AEBP1: variants seen among roughly 807,000 people sequenced by gnomAD.
AEBP1 encodes the protein adipocyte enhancer-binding protein 1.
Under a neutral mutation model 116.5 loss-of-function variants are expected in AEBP1, and 69 were observed. The observed-to-expected ratio is 0.59, with a 90% CI of 0.49 to 0.72. AEBP1 has a LOEUF of 0.72. Among genes scored for constraint, AEBP1 ranks in the 30% least tolerant of loss-of-function variants. The probability of loss-of-function intolerance (pLI) is 0.00; values close to 1 mark genes in which losing one functional copy is unlikely to be tolerated. For missense variants in AEBP1, 1,444 were observed against 1,557.5 expected (o/e 0.93, Z 1.23); for synonymous variants, 627 against 627.3 (o/e 1.00, Z 0.01).
In AEBP1 at chr7:44,113,802, C is replaced by T. The variant is rs1331344129; in HGVS notation, c.3018C>T (p.Asp1006=). The change falls in exon 21 of 21, where the codon GAC becomes GAT. Residue 1006 remains aspartate, a synonymous_variant. Transcript: ENST00000223357. This position sits in a 1 kb window ranked among gnomAD's most constrained non-coding sequence, Gnocchi z 5.3. ...MNGNRPIPHI[D]PSRPMTPQQR... The stretch of plus-strand genomic sequence containing the variant: ...GGAACCGGCCTATCCCACACATAGA[C>T]CCATCGCGCCCTATGACCCCCCAAC... The T allele has an allele frequency of 6.2e-7, 1 of 1,614,062 alleles. No homozygotes were observed. Among genetic ancestry groups the T allele is most frequent in the South Asian group, 1.1e-5 (1 of 91,088 alleles).
Position 44,111,546 on chromosome 7 carries a change from C to G in AEBP1, c.1756C>G (p.Arg586Gly). 6.2e-7 allele frequency: 1 copy of G among 1,609,444 alleles called. No homozygotes were observed. The highest frequency in any genetic ancestry group is 8.5e-7 in the Non-Finnish European group (1 of 1,178,244). Residue 586 changes from arginine (R) to glycine (G), a missense_variant, in exon 15 of 21, where the codon CGC (arginine) becomes GGC (glycine). Physicochemically the swap from Arg to Gly is moderately radical, Grantham distance 125 (BLOSUM62 -2). Coordinates refer to ENST00000223357, the MANE Select transcript of AEBP1 (RefSeq NM_001129.5). This position sits in a 1 kb window ranked among gnomAD's most constrained non-coding sequence, Gnocchi z 4.7. The stretch of plus-strand genomic sequence containing the variant: ...GAACGAGGAGTGCCCCACCATCACC[C>G]GCACTTACAGCCTGGGCAAGAGCTC... The part of the protein sequence containing the change: ...VVNEECPTIT[R>G]TYSLGKSSRG...
chr7:44,111,645 G>A lies in AEBP1; in HGVS notation c.1840+15G>A, dbSNP rs1249418094. On this transcript the variant is annotated intron_variant, in intron 15 of 20. Coordinates refer to ENST00000223357, the MANE Select transcript of AEBP1 (RefSeq NM_001129.5). This position sits in a 1 kb window ranked among gnomAD's most constrained non-coding sequence, Gnocchi z 4.7. The stretch of plus-strand genomic sequence containing the variant: ...GCATGAACTGGGTGAGGGTCTGTGG[G>A]GGCCAGCAGCTGGCCTCTGCTGCTG... 1.2e-6 allele frequency: 2 copies of A among 1,609,922 alleles called. No individual in the cohort carries two copies. The highest frequency in any genetic ancestry group is 1.3e-5 in the African/African-American group (1 of 74,624).
chr7:44,111,804 G>A lies in AEBP1; in HGVS notation c.1841-50G>A, dbSNP rs1421970281. On this transcript the variant is annotated intron_variant, in intron 15 of 20. Transcript: ENST00000223357. This position sits in a 1 kb window ranked among gnomAD's most constrained non-coding sequence, Gnocchi z 4.7. ...GGTGGGTCTGGGTCCTTCCTCAGCT[G>A]CCCTGGGCCTCGGGAGACTGAGTGC... is the stretch of plus-strand genomic sequence containing the variant. The A allele has an allele frequency of 1.3e-6, 2 of 1,580,038 alleles. No homozygotes were observed. The highest frequency in any genetic ancestry group is 2.3e-5 in the East Asian group (1 of 43,448).
Position 44,108,112 on chromosome 7 carries a change from G to C in AEBP1, c.940+28G>C. The C allele has an allele frequency of 6.3e-7, 1 of 1,579,230 alleles. No homozygotes were observed. The highest frequency in any genetic ancestry group is 8.6e-7 in the Non-Finnish European group (1 of 1,163,730). The stretch of plus-strand genomic sequence containing the variant: ...GAGTACCCAGCACCCCAGAGTCTGA[G>C]GGACATAGGCAGGTGGGGGTCGGGG... On this transcript the variant is annotated intron_variant, in intron 6 of 20. Coordinates refer to ENST00000223357, the MANE Select transcript of AEBP1 (RefSeq NM_001129.5). The surrounding 1 kb of genome is among the most constrained non-coding windows in gnomAD (Gnocchi z 5.0).
Position 44,107,176 on chromosome 7 carries a change from C to T in AEBP1, c.596-263C>T, listed in dbSNP as rs2096223813. Among the ~76,000 whole-genome samples the T allele has an allele frequency of 6.6e-6, 1 of 152,226 alleles. No individual in the cohort carries two copies. The highest frequency in any genetic ancestry group is 1.5e-5 in the Non-Finnish European group (1 of 68,030). ...CTGAGCCCATGGAGTTCCCTCCTGC[C>T]TTCTCCCGCTGGGGACAGCTTTGTG... On this transcript the variant is annotated intron_variant, in intron 2 of 20. Coordinates refer to ENST00000223357, the MANE Select transcript of AEBP1 (RefSeq NM_001129.5). This position sits in a 1 kb window ranked among gnomAD's most constrained non-coding sequence, Gnocchi z 4.3.
rs751083329 is a variant in AEBP1, at chr7:44,107,436, C to T, written c.596-3C>T. On this transcript the variant is annotated splice_region_variant and splice_polypyrimidine_tract_variant and intron_variant, in intron 2 of 20. Coordinates refer to ENST00000223357, the MANE Select transcript of AEBP1 (RefSeq NM_001129.5). This position sits in a 1 kb window ranked among gnomAD's most constrained non-coding sequence, Gnocchi z 4.3. ...ACCTGCTTCTGGAACTCCTGTGTTG[C>T]AGGGGCGCCCCTCTCAAATAACTGG... 4.3e-6 allele frequency: 7 copies of T among 1,613,090 alleles called. No individual in the cohort carries two copies. In the South Asian group the frequency reaches 7.7e-5, roughly 18 times the overall value.
rs762423489 is a variant in AEBP1, at chr7:44,111,619, A to C, written c.1829A>C (p.Glu610Ala). 3 of 1,612,560 alleles carry C rather than the reference A, an allele frequency of 1.9e-6. No individual in the cohort carries two copies. The highest frequency in any genetic ancestry group is 1.7e-6 in the Non-Finnish European group (2 of 1,179,588). ...ATGGAGATCTCAGACAACCCTGGGG[A>C]GCATGAACTGGGTGAGGGTCTGTGG... The part of the protein sequence containing the change: ...YAMEISDNPG[E>A]HELGEPEFRY... Residue 610 changes from glutamate to alanine, a missense_variant, in exon 15 of 21, where the codon GAG becomes GCG. Transcript: ENST00000223357. This position sits in a 1 kb window ranked among gnomAD's most constrained non-coding sequence, Gnocchi z 4.7.
chr7:44,107,320 G>A lies in AEBP1; in HGVS notation c.596-119G>A. On this transcript the variant is annotated intron_variant, in intron 2 of 20. Transcript: ENST00000223357. This position sits in a 1 kb window ranked among gnomAD's most constrained non-coding sequence, Gnocchi z 4.3. ...CTCAGGCCTCCTTGGAGTGAGCTCG[G>A]CCTCAGGAGGGTGTCCACAGGCTCT... The A allele has an allele frequency of 1.0e-6, 1 of 986,116 alleles. No homozygotes were observed. The highest frequency in any genetic ancestry group is 1.6e-6 in the Non-Finnish European group (1 of 639,854). 61.1% of individuals were successfully genotyped at this position (986,116 alleles called of 1,614,324 possible).
In AEBP1 at chr7:44,107,025, A is replaced by G. The variant is rs567110257; in HGVS notation, c.595+138A>G. On this transcript the variant is annotated intron_variant, in intron 2 of 20. Coordinates refer to ENST00000223357, the MANE Select transcript of AEBP1 (RefSeq NM_001129.5). The surrounding 1 kb of genome is among the most constrained non-coding windows in gnomAD (Gnocchi z 4.3). ...ACTGGATGGGAACCTCACTTTTGCTATAAATTTCACAATTTGATTGGTGGG... is the reference window on the plus strand; with the variant it reads ...ACTGGATGGGAACCTCACTTTTGCTGTAAATTTCACAATTTGATTGGTGGG... 4 of 713,464 alleles carry G rather than the reference A, an allele frequency of 5.6e-6. No homozygotes were observed. The highest frequency in any genetic ancestry group is 3.6e-5 in the African/African-American group (2 of 56,030). The allele number at this position is 713,464 out of a possible 1,614,324, so 44.2% of individuals were successfully genotyped here. A position where few individuals can be genotyped will look rare whatever the true frequency, so the allele number is the denominator to read the frequency against.
chr7:44,112,336 TG>T lies in AEBP1; in HGVS notation c.2217+17del, dbSNP rs763748131. ...CAGATGCCACGGTGAGGCTACAGCC[TG>T]GCTGAAAGGGCAGGAGGGAGCAGCT... On this transcript the variant is annotated intron_variant, in intron 17 of 20. Transcript: ENST00000223357. This position sits in a 1 kb window ranked among gnomAD's most constrained non-coding sequence, Gnocchi z 6.6. The T allele has an allele frequency of 6.5e-7, 1 of 1,531,486 alleles. No homozygotes were observed. The highest frequency in any genetic ancestry group is 1.4e-5 in the African/African-American group (1 of 72,310). The allele number at this position is 1,531,486 out of a possible 1,614,324, so 94.9% of individuals were successfully genotyped here.
Position 44,113,816 on chromosome 7 carries a change from T to TG in AEBP1, c.3033dup (p.Thr1012AspfsTer73). ...CCACACATAGACCCATCGCGCCCTA[T>TG]GACCCCCCAACAGCGACGCCTGCAG... On this transcript the variant is annotated frameshift_variant, in exon 21 of 21. Transcript: ENST00000223357. LOFTEE classifies it low-confidence loss of function (END_TRUNC). This position sits in a 1 kb window ranked among gnomAD's most constrained non-coding sequence, Gnocchi z 5.3. The TG allele has an allele frequency of 6.2e-7, 1 of 1,614,014 alleles. No homozygotes were observed. The highest frequency in any genetic ancestry group is 1.6e-4 in the Middle Eastern group (1 of 6,062).
At position 44,111,967 on chromosome 7, in the gene AEBP1, C is replaced by T. The variant is rs1276713769; in HGVS notation, c.1954C>T (p.Arg652Cys). 1 of 1,613,862 alleles carries T rather than the reference C, an allele frequency of 6.2e-7. No individual in the cohort carries two copies. Among genetic ancestry groups the T allele is most frequent in the East Asian group, 2.2e-5 (1 of 44,880 alleles). The part of the protein sequence containing the change: ...LCREYRDGNP[R>C]VRSLVQDTRI... ...CCGAGAGTACCGCGATGGGAACCCACGTGTGCGCAGCCTGGTGCAGGACAC... is the reference window on the plus strand; with the variant it reads ...CCGAGAGTACCGCGATGGGAACCCATGTGTGCGCAGCCTGGTGCAGGACAC... Residue 652 changes from arginine to cysteine, a missense_variant, in exon 16 of 21, where the codon CGT (arginine) becomes TGT (cysteine). By Grantham distance (180) the Arg-to-Cys change is radical (BLOSUM62 -3). Transcript: ENST00000223357. The surrounding 1 kb of genome is among the most constrained non-coding windows in gnomAD (Gnocchi z 4.7).
Position 44,114,514 on chromosome 7 carries a change from G to A in AEBP1, c.*253G>A. 1.6e-6 allele frequency: 1 copy of A among 619,784 alleles called. No individual in the cohort carries two copies. The highest frequency in any genetic ancestry group is 2.8e-6 in the Non-Finnish European group (1 of 356,678). The allele number at this position is 619,784 out of a possible 1,614,324, so 38.4% of individuals were successfully genotyped here. A position where few individuals can be genotyped will look rare whatever the true frequency, so the allele number is the denominator to read the frequency against. On this transcript the variant is annotated 3_prime_UTR_variant, in exon 21 of 21. Coordinates refer to ENST00000223357, the MANE Select transcript of AEBP1 (RefSeq NM_001129.5). ...GGGTTGCTGCAGTGTTGGAGTAGGG[G>A]CAGAGGGAGGGAGCCAAGGTCACTC...
rs1439036655 is a variant in AEBP1 at position 44,108,159 on chromosome 7, G to A, written c.940+75G>A. On this transcript the variant is annotated intron_variant, in intron 6 of 20. Transcript: ENST00000223357. The surrounding 1 kb of genome is among the most constrained non-coding windows in gnomAD (Gnocchi z 5.0). Reference sequence around the variant, plus strand: ...GGGGCTGGGGTGTGGTCAGGAGCCAGCTGGGGCAACTCACCCACCTTGCAA... The same window carrying A: ...GGGGCTGGGGTGTGGTCAGGAGCCAACTGGGGCAACTCACCCACCTTGCAA... 6.9e-7 allele frequency: 1 copy of A among 1,448,510 alleles called. No individual in the cohort carries two copies. Among genetic ancestry groups the A allele is most frequent in the Non-Finnish European group, 9.4e-7 (1 of 1,060,090 alleles). The allele number at this position is 1,448,510 out of a possible 1,614,324, so 89.7% of individuals were successfully genotyped here. A position where few individuals can be genotyped will look rare whatever the true frequency, so the allele number is the denominator to read the frequency against.
Position 44,106,897 on chromosome 7 carries a change from G to C in AEBP1, c.595+10G>C, listed in dbSNP as rs749284044. The C allele has an allele frequency of 5.2e-6, 8 of 1,533,368 alleles. No individual in the cohort carries two copies. The highest frequency in any genetic ancestry group is 2.2e-5 in the Admixed American group (1 of 45,858). The allele number at this position is 1,533,368 out of a possible 1,614,324, so 95.0% of individuals were successfully genotyped here. Reference sequence around the variant, plus strand: ...CTACCCCAGGAGGGAGGTTTGTGCCGGGCTCCTCTGGGGTGATGGGGCTCT... The same window carrying C: ...CTACCCCAGGAGGGAGGTTTGTGCCCGGCTCCTCTGGGGTGATGGGGCTCT... On this transcript the variant is annotated intron_variant, in intron 2 of 20. Transcript: ENST00000223357.
intron 1 of AEBP1, 54 bp downstream of exon 1, chr7:44,104,972 CAG>C: frequency 7.2e-7 from 1 of 1,395,918 alleles, no homozygotes. Context: ...CAGGTGGGAA[CAG>C]GGGGATTCGG....
chr7:44,111,816 G>A lies in AEBP1; in HGVS notation c.1841-38G>A, dbSNP rs765827519. 6 of 1,593,358 alleles carry A rather than the reference G, an allele frequency of 3.8e-6. No homozygotes were observed. The highest frequency in any genetic ancestry group is 2.3e-5 in the East Asian group (1 of 43,834). On this transcript the variant is annotated intron_variant, in intron 15 of 20. Coordinates refer to ENST00000223357, the MANE Select transcript of AEBP1 (RefSeq NM_001129.5). The surrounding 1 kb of genome is among the most constrained non-coding windows in gnomAD (Gnocchi z 4.7). ...TCCTTCCTCAGCTGCCCTGGGCCTC[G>A]GGAGACTGAGTGCTCACTGAGGCTC...
Position 44,113,013 on chromosome 7 carries a change from G to C in AEBP1, c.2592G>C (p.Leu864=), listed in dbSNP as rs1374084095. The change falls in exon 19 of 21, where the codon CTG becomes CTC. Residue 864 remains leucine (L), a synonymous_variant. Coordinates refer to ENST00000223357, the MANE Select transcript of AEBP1 (RefSeq NM_001129.5). This position sits in a 1 kb window ranked among gnomAD's most constrained non-coding sequence, Gnocchi z 5.3. ...CAGCTATCAATGACTTCAGTTACCT[G>C]CATACCAACTGCCTGGAGCTCTCCT... ...RTGTINDFSY[L]HTNCLELSFY... is the part of the protein sequence containing the mutation. 2 of 1,613,980 alleles carry C rather than the reference G, an allele frequency of 1.2e-6. No individual in the cohort carries two copies. Among genetic ancestry groups the C allele is most frequent in the Non-Finnish European group, 1.7e-6 (2 of 1,180,006 alleles).
Position 44,113,039 on chromosome 7 carries a change from T to C in AEBP1, c.2618T>C (p.Phe873Ser). 1 of 1,614,114 alleles carries C rather than the reference T, an allele frequency of 6.2e-7. No homozygotes were observed. The highest frequency in any genetic ancestry group is 8.5e-7 in the Non-Finnish European group (1 of 1,180,002). Residue 873 changes from phenylalanine (F) to serine (S), a missense_variant, in exon 19 of 21, where the codon TTC becomes TCC. Phe to Ser is a radical substitution (Grantham distance 155, BLOSUM62 -2). Coordinates refer to ENST00000223357, the MANE Select transcript of AEBP1 (RefSeq NM_001129.5). The surrounding 1 kb of genome is among the most constrained non-coding windows in gnomAD (Gnocchi z 5.3). ...YLHTNCLELS[F>S]YLGCDKFPHE... The stretch of plus-strand genomic sequence containing the variant: ...CATACCAACTGCCTGGAGCTCTCCT[T>C]CTACCTGGGCTGTGACAAGTTCCCT...
Sources: allele counts gnomAD v4.1 joint callset (sites outside exome capture counted in the v4.1 genomes callset), GRCh38; gene constraint gnomAD v4.1.1; non-coding constraint Gnocchi (gnomAD v3.1); transcripts MANE v1.5; gene names NCBI Gene and HGNC (gene_info 2026-07-23, HGNC 2026-07-21).